Variants in CDH18 observed in about 807,000 individuals in gnomAD.
CDH18 encodes the protein cadherin-18.
A neutral mutation model predicts 67.9 loss-of-function variants in CDH18; 31 were observed. The ratio of observed to expected loss-of-function variants is 0.46; its 90% CI spans 0.34 to 0.62. The LOEUF is 0.62. Ranked by LOEUF, CDH18 falls within the 20% of genes least tolerant of loss-of-function variation. The pLI is 0.01. For missense variants in CDH18, 890 were observed against 975.5 expected (o/e 0.91, Z 1.17); for synonymous variants, 362 against 347.2 (o/e 1.04, Z -0.48).
chr5:19,734,163 CA>C (rs999094831), intron 4 of CDH18, among the ~76,000 whole-genome samples: 2 of 151,668 alleles, frequency 1.3e-5, no homozygotes, highest in African/African-American at 2.4e-5. Flanking sequence ...GCTTTATTTC[CA>C]AAAAAATGAA....
intron 2 of CDH18, among the ~76,000 whole-genome samples, chr5:20,088,272 T>C (rs1580210573): frequency 6.6e-6 from 1 of 152,320 alleles, no homozygotes; most frequent in East Asian, 1.9e-4. Flanking sequence ...AACATGCGTA[T>C]GCACTTTCAG....
At chr5:20,532,815 T>A (rs1201249099) in intron 1 of CDH18, among the ~76,000 whole-genome samples, 1 of 152,072 alleles carries the variant, frequency 6.6e-6, no homozygotes, top group Non-Finnish European at 1.5e-5. Flanking sequence ...ATAAATAATC[T>A]CTCTTAATAT....
intron 1 of CDH18, among the ~76,000 whole-genome samples, chr5:20,570,616 C>T (rs1467211350): frequency 6.6e-6 from 1 of 152,114 alleles, no homozygotes; most frequent in Non-Finnish European, 1.5e-5. Flanking sequence ...TTATCTTCCT[C>T]TATTCTCAGT....
rs1189257278 is a variant in CDH18, at chr5:20,279,699, C to CAAAAAAAAAAA, written c.-579-24205_-579-24195dup. On this transcript the variant is annotated intron_variant, in intron 1 of 14. Coordinates refer to the CDH18 transcript ENST00000507958. ...GGGTGACAAAAGAGAAGCTCTGTCT[C>CAAAAAAAAAAA]AAAAAAAAAAAAAAAAAAAAAAAAA... 2.6e-3 allele frequency among the ~76,000 whole-genome samples: 36 copies of CAAAAAAAAAAA among 13,588 alleles called. 1 individual carries two copies. The highest frequency in any genetic ancestry group is 9.4e-3 in the East Asian group (3 of 320). 8.9% of individuals were successfully genotyped at this position (13,588 alleles called of 152,430 possible). A position where few individuals can be genotyped will look rare whatever the true frequency, so the allele number is the denominator to read the frequency against.
intron 2 of CDH18, among the ~76,000 whole-genome samples, chr5:19,928,729 C>T (rs1793362151): frequency 1.3e-5 from 2 of 152,110 alleles, no homozygotes; most frequent in Non-Finnish European, 2.9e-5. Context: ...AGAGTGTGTA[C>T]TGCCGCAAAT....
intron 1 of CDH18, among the ~76,000 whole-genome samples, chr5:20,503,864 C>T (rs879853194): frequency 2.6e-5 from 4 of 151,754 alleles, no homozygotes; most frequent in Non-Finnish European, 5.9e-5. Context: ...AGGGCGAAAC[C>T]CTGCCTCTAC....
rs542183865 is a variant in CDH18, at chr5:20,226,841, C to A, written c.-518+28603G>T. ...GAGGAGCAGAGGAGACAAGGCACTTCTCCATACACACACATACACACACCT... is the reference window on the plus strand; with the variant it reads ...GAGGAGCAGAGGAGACAAGGCACTTATCCATACACACACATACACACACCT... On this transcript the variant is annotated intron_variant, in intron 2 of 14. Coordinates refer to the CDH18 transcript ENST00000507958. Among the ~76,000 whole-genome samples the A allele has an allele frequency of 3.3e-5, 5 of 150,396 alleles. No homozygotes were observed. The East Asian group carries it at 9.7e-4, about 29-fold the overall frequency.
chr5:19,524,607 A>C (rs1342430330), intron 9 of CDH18, among the ~76,000 whole-genome samples: 1 of 152,146 alleles, frequency 6.6e-6, no homozygotes, highest in African/African-American at 2.4e-5. Flanking sequence ...TCTACATATC[A>C]TAAAAGATTT....
At position 19,994,855 on chromosome 5, in the gene CDH18, T is replaced by TATATATAGAGAGAG. The variant is rs760777430; in HGVS notation, c.-517-2842_-517-2841insCTCTCTCTATATAT. Among the ~76,000 whole-genome samples, 31 of 67,584 alleles carry TATATATAGAGAGAG rather than the reference T, an allele frequency of 4.6e-4. 3 individuals carry two copies. The highest frequency in any genetic ancestry group is 1.6e-3 in the East Asian group (3 of 1,870). The allele number at this position is 67,584 out of a possible 152,430, so 44.3% of individuals were successfully genotyped here. On this transcript the variant is annotated intron_variant, in intron 2 of 14. Coordinates refer to the CDH18 transcript ENST00000507958. ...ATATATATATATATATATATATATA[T>TATATATAGAGAGAG]AGAGAGAGAGAGAGAGAGAGAGATG...
chr5:20,281,811 C>T (rs1206293739), intron 1 of CDH18, among the ~76,000 whole-genome samples: 2 of 152,108 alleles, frequency 1.3e-5, no homozygotes, highest in African/African-American at 4.8e-5. Flanking sequence ...GGCATTATGG[C>T]CATTTTCACG....
At chr5:20,165,416 C>G (rs1029596051) in intron 2 of CDH18, among the ~76,000 whole-genome samples, 1 of 151,974 alleles carries the variant, frequency 6.6e-6, no homozygotes, top group Non-Finnish European at 1.5e-5. Context: ...ACTTTACTAA[C>G]AATCATGACT....
In CDH18 at chr5:20,468,314, C is replaced by T. The variant is rs147755054; in HGVS notation, c.-580+107148G>A. On this transcript the variant is annotated intron_variant, in intron 1 of 14. Transcript: ENST00000507958. ...TACAGGCATGAGCTGCCACGCCCAG[C>T]CTACTTACTTTCTAATTGCCAATAC... is the stretch of plus-strand genomic sequence containing the variant. 5.9e-5 allele frequency among the ~76,000 whole-genome samples: 9 copies of T among 152,306 alleles called. No homozygotes were observed. The East Asian group carries it at 1.7e-3, about 29-fold the overall frequency.
At chr5:19,832,181 G>C (rs755366531) in intron 3 of CDH18, among the ~76,000 whole-genome samples, 2 of 152,036 alleles carry the variant, frequency 1.3e-5, no homozygotes, top group Non-Finnish European at 2.9e-5. Flanking sequence ...TAATGGGTTT[G>C]ATCACACCCC....
intron 1 of CDH18, among the ~76,000 whole-genome samples, chr5:20,323,907 A>G (rs989053480): frequency 6.6e-6 from 1 of 152,196 alleles, no homozygotes; most frequent in Non-Finnish European, 1.5e-5. Flanking sequence ...AAAGTTCATA[A>G]CAGAATATTC....
At chr5:19,759,785 G>T (rs1033989057) in intron 3 of CDH18, among the ~76,000 whole-genome samples, 4 of 152,060 alleles carry the variant, frequency 2.6e-5, no homozygotes, top group Non-Finnish European at 5.9e-5. Context: ...TCCATAAATT[G>T]TCGGAAATGT....
intron 8 of CDH18, among the ~76,000 whole-genome samples, chr5:19,563,916 G>A (rs555068141): frequency 2.6e-5 from 4 of 152,154 alleles, no homozygotes; most frequent in Non-Finnish European, 5.9e-5. Context: ...TGCACTTTGG[G>A]GAGGGAGAAC....
intron 1 of CDH18, among the ~76,000 whole-genome samples, chr5:20,432,023 A>T (rs1049010370): frequency 9.2e-5 from 14 of 152,278 alleles, no homozygotes; most frequent in Middle Eastern, 3.4e-3. Context: ...TCCAAAGGTT[A>T]ACTGAAATGA....
intron 9 of CDH18, among the ~76,000 whole-genome samples, chr5:19,528,971 T>C (rs1033266308): frequency 6.6e-6 from 1 of 151,298 alleles, no homozygotes; most frequent in Non-Finnish European, 1.5e-5. Context: ...GGTTTGGAAA[T>C]AGAACTTAAA....
intron 1 of CDH18, among the ~76,000 whole-genome samples, chr5:20,289,882 A>G (rs1465246533): frequency 2.0e-5 from 3 of 152,086 alleles, no homozygotes; most frequent in Non-Finnish European, 1.5e-5. Context: ...TGTTGTAGAC[A>G]GAAATATGTA....
Sources: gnomAD v4.1 joint callset for allele counts (sites outside exome capture counted in the v4.1 genomes callset) on GRCh38, gnomAD v4.1.1 for gene constraint, MANE v1.5 for transcripts, NCBI Gene and HGNC (gene_info 2026-07-23, HGNC 2026-07-21) for gene names.